Variants in POLR3A observed in about 807,000 individuals in gnomAD.
POLR3A encodes the protein RNA polymerase III subunit A.
In POLR3A, 112 loss-of-function variants were observed where a neutral mutation model predicts 152.8. The ratio of observed to expected loss-of-function variants is 0.73; its 90% CI spans 0.63 to 0.86. The LOEUF is 0.86. POLR3A is among the 40% of genes least tolerant of loss of function. The probability of loss-of-function intolerance (pLI) is 0.00; values close to 1 mark genes in which losing one functional copy is unlikely to be tolerated. For synonymous variants in POLR3A, 615 were observed against 652.1 expected (o/e 0.94, Z 0.87); for missense variants, 1,385 against 1,743.1 (o/e 0.79, Z 3.66).
At chr10:77,987,598 C>T (rs552111769) in intron 21 of POLR3A, among the ~76,000 whole-genome samples, 26 of 152,288 alleles carry the variant, frequency 1.7e-4, no homozygotes, top group African/African-American at 6.3e-4. Flanking sequence ...TAAGCCTGAA[C>T]CAGGAGCCCA....
rs1319518839 is a variant in POLR3A, at chr10:78,007,732, G to T, written c.2044C>A (p.Arg682=). 1.9e-6 allele frequency: 3 copies of T among 1,614,006 alleles called. No individual in the cohort carries two copies. Among genetic ancestry groups the T allele is most frequent in the Non-Finnish European group, 2.5e-6 (3 of 1,179,916 alleles). ...TAGACAGGAGCCAGCCTGGCGAGCC[G>T]TGACATGGCATCTGCAGCTTCATTC... is the stretch of plus-strand genomic sequence containing the variant. The part of the protein sequence containing the change: ...GQNEAADAMS[R]LARLAPVYLS... The change falls in exon 15 of 31, where the codon CGG becomes AGG. Residue 682 remains arginine, a synonymous_variant. Coordinates refer to ENST00000372371, the MANE Select transcript of POLR3A (RefSeq NM_007055.4).
At chr10:78,021,754 G>A in intron 7 of POLR3A, 72 bp from the exon 8 acceptor site, 1 of 1,609,726 alleles carries the variant, frequency 6.2e-7, no homozygotes. Flanking sequence ...AGAACGGAGA[G>A]ACTGAGGAAA....
chr10:77,990,612 C>T (rs1173332565), intron 21 of POLR3A, among the ~76,000 whole-genome samples: 4 of 150,532 alleles, frequency 2.7e-5, no homozygotes, highest in Non-Finnish European at 4.4e-5. Context: ...GAATGACTGC[C>T]TGTCATTTTT....
At chr10:78,025,205 A>C in intron 3 of POLR3A, 63 bp from the exon 4 acceptor site, 1 of 1,575,726 alleles carries the variant, frequency 6.3e-7, no homozygotes, top group Non-Finnish European at 8.7e-7. Context: ...TTTTCTTTTA[A>C]AAATGCCATC....
At chr10:77,985,546 G>A (rs561188255) in intron 23 of POLR3A, among the ~76,000 whole-genome samples, 3 of 152,346 alleles carry the variant, frequency 2.0e-5, no homozygotes, top group African/African-American at 7.2e-5. Context: ...AGAGGGGGCA[G>A]CAGTGCAACT....
chr10:77,997,757 C>T (rs1847315783), intron 19 of POLR3A, among the ~76,000 whole-genome samples: 1 of 150,748 alleles, frequency 6.6e-6, no homozygotes, highest in East Asian at 1.9e-4. Context: ...TCAATGCCAT[C>T]CCCATCAAGC....
chr10:77,998,870 T>C (rs1178042022), intron 19 of POLR3A, among the ~76,000 whole-genome samples: 1 of 152,218 alleles, frequency 6.6e-6, no homozygotes, highest in Non-Finnish European at 1.5e-5. Flanking sequence ...ATAGCGGCAC[T>C]ATTCACAATA....
Position 77,985,310 on chromosome 10 carries a change from A to G in POLR3A, c.3102T>C (p.Gly1034=). Residue 1034 remains glycine (G), a synonymous_variant, in exon 24 of 31, where the codon GGT becomes GGC. Transcript: ENST00000372371. ...RAQMEPGSAV[G]ALCAQSIGEP... is the part of the protein sequence containing the mutation. ...CACCAATGCTCTGGGCACACAGAGCACCCACTGCAGAACCTGGCTCCATCT... is the reference window on the plus strand; with the variant it reads ...CACCAATGCTCTGGGCACACAGAGCGCCCACTGCAGAACCTGGCTCCATCT... 1 of 1,614,146 alleles carries G rather than the reference A, an allele frequency of 6.2e-7. No individual in the cohort carries two copies. The highest frequency in any genetic ancestry group is 1.3e-5 in the African/African-American group (1 of 75,072).
Position 77,977,487 on chromosome 10 carries a change from A to G in POLR3A, c.4164T>C (p.Leu1388=), listed in dbSNP as rs1847100242. The G allele has an allele frequency of 8.1e-6, 13 of 1,614,072 alleles. No individual in the cohort carries two copies. Among genetic ancestry groups the G allele is most frequent in the Non-Finnish European group, 1.0e-5 (12 of 1,179,980 alleles). Residue 1388 remains leucine, a synonymous_variant, in exon 31 of 31, where the codon CTT becomes CTC. Transcript: ENST00000372371. The stretch of plus-strand genomic sequence containing the variant: ...CCCCTCTTTCTTTGGACTATGTGAC[A>G]AGGGGGATGTGGAATTCATTTGTGT... ...IFDTNEFHIP[L]VT
intron 14 of POLR3A, among the ~76,000 whole-genome samples, chr10:78,008,488 G>A (rs1277126383): frequency 6.6e-6 from 1 of 152,172 alleles, no homozygotes; most frequent in Non-Finnish European, 1.5e-5. Context: ...CAGTTCTTCA[G>A]TACAGAGTCC....
Position 78,001,059 on chromosome 10 carries a change from C to CG in POLR3A, c.2394_2395insC (p.Val799ArgfsTer16), listed in dbSNP as rs767815760. The CG allele has an allele frequency of 6.2e-7, 1 of 1,608,572 alleles. No homozygotes were observed. The highest frequency in any genetic ancestry group is 2.2e-5 in the East Asian group (1 of 44,830). On this transcript the variant is annotated frameshift_variant, in exon 18 of 31. Transcript: ENST00000372371. LOFTEE classifies it high-confidence loss of function. ...GAGCCACTGATGGCCTGCTGTCCCA[C>CG]ACAGGCAATCATCTGTGATATGTTA...
In POLR3A at chr10:78,013,674, T is replaced by C; in HGVS notation, c.1548A>G (p.Lys516=). The C allele has an allele frequency of 6.2e-7, 1 of 1,614,126 alleles. No homozygotes were observed. The change falls in exon 11 of 31, where the codon AAA becomes AAG. Residue 516 remains lysine (K), a synonymous_variant. Coordinates refer to ENST00000372371, the MANE Select transcript of POLR3A (RefSeq NM_007055.4). ...CCCCCATCAGAACAAGGGCCTCTGC[T>C]TTAGCTTCTTCTGTTTGAGGAAGAT... ...NLHLPQTEEA[K]AEALVLMGTK...
In POLR3A at chr10:78,021,761, G is replaced by A. The variant is rs191527725; in HGVS notation, c.1049-79C>T. The A allele has an allele frequency of 3.8e-5, 61 of 1,609,182 alleles. 1 individual carries two copies. In the African/African-American group the frequency reaches 7.3e-4, roughly 19 times the overall value. On this transcript the variant is annotated intron_variant, in intron 7 of 30. Transcript: ENST00000372371. ...GAACAATAAGAACGGAGAGACTGAG[G>A]AAAGCCTGTGACCTCCAATCAGAGA... is the stretch of plus-strand genomic sequence containing the variant.
In POLR3A at chr10:78,026,127, G is replaced by T; in HGVS notation, c.147C>A (p.Ala49=). The change falls in exon 2 of 31, where the codon GCC becomes GCA. Residue 49 remains alanine, a synonymous_variant. Coordinates refer to ENST00000372371, the MANE Select transcript of POLR3A (RefSeq NM_007055.4). ...GGTCGAGCACCCCATATAGCAAGGG[G>T]GCATGTTGGTTGTCCTGGCTGTACA... ...KNLYSQDNQH[A]PLLYGVLDHR... The T allele has an allele frequency of 6.2e-7, 1 of 1,614,188 alleles. No individual in the cohort carries two copies. Among genetic ancestry groups the T allele is most frequent in the Non-Finnish European group, 8.5e-7 (1 of 1,180,026 alleles).
chr10:78,009,213 G>A (rs1847440498), intron 14 of POLR3A, among the ~76,000 whole-genome samples: 1 of 142,138 alleles, frequency 7.0e-6, no homozygotes, highest in Non-Finnish European at 1.5e-5. Flanking sequence ...CTTGTTTATT[G>A]CCCCCCCCGC....
chr10:77,995,529 G>A (rs1320324448), intron 19 of POLR3A, among the ~76,000 whole-genome samples: 1 of 152,080 alleles, frequency 6.6e-6, no homozygotes, highest in Non-Finnish European at 1.5e-5. Context: ...TGATAAAACA[G>A]ACTTTAAACC....
intron 9 of POLR3A, among the ~76,000 whole-genome samples, 182 bp downstream of exon 9, chr10:78,018,980 T>C (rs1034366999): frequency 2.6e-5 from 4 of 152,204 alleles, no homozygotes; most frequent in Admixed American, 6.5e-5. Context: ...ACTTCATGTA[T>C]ATTCAATGAC....
At chr10:77,997,760 C>T (rs535382991) in intron 19 of POLR3A, among the ~76,000 whole-genome samples, 122 of 150,688 alleles carry the variant, frequency 8.1e-4, no homozygotes, top group African/African-American at 3.0e-3. Flanking sequence ...ATGCCATCCC[C>T]ATCAAGCTAC....
At chr10:77,979,687 C>G (rs930534311) in intron 30 of POLR3A, among the ~76,000 whole-genome samples, 1 of 152,196 alleles carries the variant, frequency 6.6e-6, no homozygotes, top group Non-Finnish European at 1.5e-5. Flanking sequence ...GGTAGAGATA[C>G]TTGACACATA....
Sources: gnomAD v4.1 joint callset for allele counts (sites outside exome capture counted in the v4.1 genomes callset) on GRCh38, gnomAD v4.1.1 for gene constraint, MANE v1.5 for transcripts, NCBI Gene and HGNC (gene_info 2026-07-23, HGNC 2026-07-21) for gene names.